AFTPH: variants seen among roughly 807,000 people sequenced by gnomAD.
AFTPH encodes aftiphilin protein.
Under a neutral mutation model 72.5 loss-of-function variants are expected in AFTPH, and 7 were observed. That is an observed-to-expected ratio of 0.10 (90% CI 0.05 to 0.18). The LOEUF is 0.18. Ranked by LOEUF, AFTPH falls within the 10% of genes least tolerant of loss-of-function variation. The pLI is 1.00. For missense variants in AFTPH, 979 were observed against 1,060.5 expected (o/e 0.92, Z 1.07); for synonymous variants, 337 against 370.1 (o/e 0.91, Z 1.03).
chr2:64,550,204 G>A (rs145388161), intron 1 of AFTPH, among the ~76,000 whole-genome samples: 88 of 152,280 alleles, frequency 5.8e-4, no homozygotes, highest in Non-Finnish European at 1.1e-3. Flanking sequence ...TAGACAACCT[G>A]TGGTACATCT....
intron 1 of AFTPH, among the ~76,000 whole-genome samples, chr2:64,547,452 T>C (rs1393823180): frequency 6.6e-6 from 1 of 152,204 alleles, no homozygotes; most frequent in Non-Finnish European, 1.5e-5. Context: ...GTGTTCCCAT[T>C]ACTGATAATG....
chr2:64,586,165 ACAAT>A (rs1179089782), intron 8 of AFTPH, among the ~76,000 whole-genome samples: 1 of 152,210 alleles, frequency 6.6e-6, no homozygotes, highest in African/African-American at 2.4e-5. Flanking sequence ...TTAGGCTAGT[ACAAT>A]CCATTGCTTT....
chr2:64,583,849 T>C (rs917775697), intron 7 of AFTPH, among the ~76,000 whole-genome samples: 1 of 152,192 alleles, frequency 6.6e-6, no homozygotes, highest in African/African-American at 2.4e-5. Flanking sequence ...GAAGTCGCTT[T>C]TGCTTGTCTG....
intron 1 of AFTPH, among the ~76,000 whole-genome samples, chr2:64,526,010 T>C (rs1216332014): frequency 6.6e-6 from 1 of 152,252 alleles, no homozygotes; most frequent in Non-Finnish European, 1.5e-5. Flanking sequence ...AGTACACATA[T>C]ATTTTTAAAT....
intron 6 of AFTPH, among the ~76,000 whole-genome samples, chr2:64,575,614 C>T (rs186922295): frequency 1.3e-5 from 2 of 151,166 alleles, no homozygotes; most frequent in Non-Finnish European, 2.9e-5. Flanking sequence ...AAAACCCTGC[C>T]TCGAAAAAAA....
At chr2:64,527,099 G>A (rs1427320299) in intron 1 of AFTPH, among the ~76,000 whole-genome samples, 2 of 152,192 alleles carry the variant, frequency 1.3e-5, no homozygotes, top group East Asian at 3.8e-4. Flanking sequence ...GACCTTTGGA[G>A]AACTTGAGAG....
chr2:64,542,161 T>A (rs1670291205), intron 1 of AFTPH, among the ~76,000 whole-genome samples: 1 of 152,204 alleles, frequency 6.6e-6, no homozygotes, highest in South Asian at 2.1e-4. Flanking sequence ...GTGTGTGCTG[T>A]ATGTTTTTAA....
At chr2:64,576,074 T>TACAC (rs55774717) in intron 6 of AFTPH, among the ~76,000 whole-genome samples, 1,591 of 127,698 alleles carry the variant, frequency 0.012, 18 homozygotes, top group South Asian at 0.033. Flanking sequence ...TTTGGCATGC[T>TACAC]ACACACACAC....
rs147386931 is a variant in AFTPH, at chr2:64,555,173, A to G, written c.1935+1764A>G. Among the ~76,000 whole-genome samples, 298 of 152,348 alleles carry G rather than the reference A, an allele frequency of 2.0e-3. 3 individuals carry two copies. Among genetic ancestry groups the G allele is most frequent in the African/African-American group, 6.6e-3 (274 of 41,582 alleles). ...TGTGAATATAAAAGGAAATTTTAAA[A>G]TGAGTGAAATAATCTGCTAGAAAAT... On this transcript the variant is annotated intron_variant, in intron 2 of 8. Coordinates refer to ENST00000238856, the Ensembl canonical transcript of AFTPH.
intron 5 of AFTPH, among the ~76,000 whole-genome samples, chr2:64,570,173 G>GT (rs1271292601): frequency 6.6e-6 from 1 of 152,038 alleles, no homozygotes; most frequent in Non-Finnish European, 1.5e-5. Flanking sequence ...GTTGAATTTT[G>GT]TTTTTTCAGA....
intron 1 of AFTPH, among the ~76,000 whole-genome samples, chr2:64,529,194 C>A (rs1482443674): frequency 3.3e-5 from 5 of 152,172 alleles, no homozygotes; most frequent in Non-Finnish European, 5.9e-5. Flanking sequence ...ATCCTGTGTT[C>A]TAACCATATT....
intron 2 of AFTPH, among the ~76,000 whole-genome samples, chr2:64,565,073 A>G (rs1671984800): frequency 1.3e-5 from 2 of 152,068 alleles, no homozygotes; most frequent in African/African-American, 4.8e-5. Context: ...TCCTGAGCTC[A>G]AGCAATCCAC....
chr2:64,578,636 C>A lies in AFTPH; in HGVS notation c.2395-850C>A, dbSNP rs367712774. 6.6e-5 allele frequency among the ~76,000 whole-genome samples: 10 copies of A among 151,882 alleles called. No homozygotes were observed. The East Asian group carries it at 1.4e-3, about 21-fold the overall frequency. ...GTAGTGGCACGATCTCGGCTCACTG[C>A]AACCTCCACCTCCCGGGTTCAAGCA... On this transcript the variant is annotated intron_variant, in intron 6 of 8. Coordinates refer to ENST00000238856, the Ensembl canonical transcript of AFTPH.
chr2:64,565,259 C>T (rs537310882), intron 2 of AFTPH, among the ~76,000 whole-genome samples: 3 of 151,868 alleles, frequency 2.0e-5, no homozygotes, highest in South Asian at 2.1e-4. Flanking sequence ...GGGTGGATCA[C>T]GAGGTCAGGA....
rs34951706 is a variant in AFTPH, at chr2:64,549,308, CTTTTTTTTTT to C, written c.-32-2114_-32-2105del. On this transcript the variant is annotated intron_variant, in intron 1 of 8. Transcript: ENST00000238856. ...CTAGGACTTTGGCTGTTAGTCCTCC[CTTTTTTTTTT>C]TTTTTTTTTTTTTTTTTTTTGAAAC... Among the ~76,000 whole-genome samples the C allele has an allele frequency of 3.7e-3, 205 of 56,034 alleles. 4 individuals are homozygous for C. The highest frequency in any genetic ancestry group is 0.018 in the Middle Eastern group (1 of 56). The allele number at this position is 56,034 out of a possible 152,430, so 36.8% of individuals were successfully genotyped here.
Position 64,560,498 on chromosome 2 carries a change from T to C in AFTPH, c.1936-7064T>C, listed in dbSNP as rs550279431. ...AAAAGCTAAAAAAGCAAATGTACCT[T>C]TGAAGATGTGGTGTAGCCAAGGATG... On this transcript the variant is annotated intron_variant, in intron 2 of 8. Transcript: ENST00000238856. Among the ~76,000 whole-genome samples, 26 of 152,298 alleles carry C rather than the reference T, an allele frequency of 1.7e-4. No individual in the cohort carries two copies. The South Asian group carries it at 5.4e-3, about 32-fold the overall frequency.
At chr2:64,576,074 TACAC>T (rs55774717) in intron 6 of AFTPH, among the ~76,000 whole-genome samples, 9,282 of 127,580 alleles carry the variant, frequency 0.073, 366 homozygotes, top group Admixed American at 0.1. Context: ...TTTGGCATGC[TACAC>T]ACACACACAC....
chr2:64,569,130 A>G (rs369689397), exon 4 of AFTPH: 4 of 1,614,120 alleles, frequency 2.5e-6, no homozygotes, highest in Non-Finnish European at 3.4e-6. Flanking sequence ...CAGGATATCC[A>G]TGATGCACAT....
intron 6 of AFTPH, among the ~76,000 whole-genome samples, chr2:64,576,579 C>G (rs1330024034): frequency 6.6e-6 from 1 of 152,104 alleles, no homozygotes; most frequent in Admixed American, 6.6e-5. Context: ...ACTGATTTCC[C>G]TCTTAGTAAG....
Sources: gnomAD v4.1 joint callset for allele counts (sites outside exome capture counted in the v4.1 genomes callset) on GRCh38, gnomAD v4.1.1 for gene constraint, MANE v1.5 for transcripts, NCBI Gene and HGNC (gene_info 2026-07-23, HGNC 2026-07-21) for gene names.